COMMD1: variants seen among roughly 807,000 people sequenced by gnomAD.
The protein encoded by COMMD1 is COMM domain-containing protein 1.
Under a neutral mutation model 17.2 loss-of-function variants are expected in COMMD1, and 10 were observed. The ratio of observed to expected loss-of-function variants is 0.58; its 90% confidence interval spans 0.36 to 0.99. The LOEUF is 0.99. COMMD1 is among the 50% of genes least tolerant of loss of function. The pLI, the probability that COMMD1 is intolerant of heterozygous loss-of-function variation, is 0.01. For missense variants in COMMD1, 270 were observed against 231.8 expected, an observed-to-expected ratio of 1.17 and a Z score of -1.07; for synonymous variants, 97 against 91.6, an observed-to-expected ratio of 1.06 and a Z score of -0.34.
intron 2 of COMMD1, among the ~76,000 whole-genome samples, chr2:62,063,435 C>T (rs1670929673): frequency 6.6e-6 from 1 of 152,002 alleles, no homozygotes; most frequent in African/African-American, 2.4e-5. Context: ...CATGATCCGC[C>T]CGCCTCAGCC....
chr2:61,894,422 A>T (rs1669507751), intron 1 of COMMD1, among the ~76,000 whole-genome samples: 1 of 151,844 alleles, frequency 6.6e-6, no homozygotes, highest in African/African-American at 2.4e-5. Context: ...AGGCAAGCTG[A>T]CTTTATACAC....
chr2:62,047,018 T>C (rs976541591), intron 2 of COMMD1, among the ~76,000 whole-genome samples: 3 of 152,218 alleles, frequency 2.0e-5, no homozygotes, highest in African/African-American at 7.2e-5. Context: ...TTTATTTGTT[T>C]TGCCAGATAC....
intron 2 of COMMD1, chr2:62,055,560 A>G (rs752590179): frequency 1.5e-4 from 61 of 419,740 alleles, no homozygotes; most frequent in Middle Eastern, 3.5e-4. Flanking sequence ...AGCACCCTGC[A>G]TTAAAAGACA....
At chr2:61,984,879 A>C (rs1025586628) in intron 1 of COMMD1, among the ~76,000 whole-genome samples, 6 of 151,022 alleles carry the variant, frequency 4.0e-5, no homozygotes, top group Non-Finnish European at 5.9e-5. Flanking sequence ...GTTTTGCTGA[A>C]TTGGCTCTTT....
chr2:62,065,452 T>G (rs562353329), intron 2 of COMMD1, among the ~76,000 whole-genome samples: 2 of 146,752 alleles, frequency 1.4e-5, no homozygotes, highest in African/African-American at 5.0e-5. Flanking sequence ...GCCTCCTGAG[T>G]GGCTGGAACA....
At chr2:62,074,288 C>G (rs1172621637) in intron 2 of COMMD1, among the ~76,000 whole-genome samples, 2 of 152,238 alleles carry the variant, frequency 1.3e-5, no homozygotes, top group African/African-American at 4.8e-5. Flanking sequence ...TTCAGCTCTC[C>G]TCTGTCCCGA....
At chr2:62,090,815 G>A (rs1671804632) in intron 2 of COMMD1, 1 of 152,212 alleles carries the variant, frequency 6.6e-6, no homozygotes, top group Admixed American at 6.5e-5. Context: ...AAAGGGAGAT[G>A]GGATGCCATG....
At chr2:62,074,128 T>C (rs1671273642) in intron 2 of COMMD1, among the ~76,000 whole-genome samples, 1 of 152,204 alleles carries the variant, frequency 6.6e-6, no homozygotes, top group Non-Finnish European at 1.5e-5. Flanking sequence ...GCACTCTTCC[T>C]TTGGAATCAG....
chr2:62,001,723 T>G (rs1056865284), intron 2 of COMMD1, among the ~76,000 whole-genome samples: 4 of 152,236 alleles, frequency 2.6e-5, no homozygotes, highest in African/African-American at 9.6e-5. Context: ...AAATAAGTGC[T>G]TCTATTATAT....
At chr2:61,984,020 TTTG>T (rs1364122373) in intron 1 of COMMD1, among the ~76,000 whole-genome samples, 4 of 152,156 alleles carry the variant, frequency 2.6e-5, no homozygotes, top group African/African-American at 7.2e-5. Context: ...TAGGTTTTGG[TTTG>T]TTGTTGTTGC....
intron 2 of COMMD1, among the ~76,000 whole-genome samples, chr2:62,021,324 T>C (rs1047399377): frequency 6.6e-6 from 1 of 152,164 alleles, no homozygotes; most frequent in Admixed American, 6.6e-5. Context: ...GTTTGGAAAT[T>C]TGAGTCTTTG....
At chr2:61,892,550 C>T (rs1352534098) in intron 1 of COMMD1, among the ~76,000 whole-genome samples, 1 of 151,808 alleles carries the variant, frequency 6.6e-6, no homozygotes, top group East Asian at 2.0e-4. Context: ...AAAAATTAGC[C>T]CGGTGTTGTG....
chr2:62,105,382 T>A (rs1020066888), intron 2 of COMMD1, among the ~76,000 whole-genome samples: 2 of 152,134 alleles, frequency 1.3e-5, no homozygotes, highest in East Asian at 1.9e-4. Context: ...TAGAAGTAAA[T>A]AGCATTTATT....
At chr2:61,926,797 C>A (rs553348605) in intron 1 of COMMD1, among the ~76,000 whole-genome samples, 7 of 151,984 alleles carry the variant, frequency 4.6e-5, no homozygotes, top group Admixed American at 4.6e-4. Flanking sequence ...CCTTTTATTC[C>A]CCCCTCCTGC....
intron 2 of COMMD1, among the ~76,000 whole-genome samples, chr2:62,034,088 C>CAAAAAAAAA (rs34439318): frequency 3.2e-5 from 2 of 62,576 alleles, no homozygotes; most frequent in Admixed American, 1.9e-4. Context: ...GACCCTGTCT[C>CAAAAAAAAA]AAAAAAAAAA....
intron 2 of COMMD1, among the ~76,000 whole-genome samples, chr2:62,022,470 T>A (rs951548564): frequency 6.7e-6 from 1 of 149,546 alleles, no homozygotes; most frequent in Non-Finnish European, 1.5e-5. Context: ...TTTTTTTTTT[T>A]ACATGAAGCC....
intron 1 of COMMD1, among the ~76,000 whole-genome samples, chr2:61,974,478 C>G (rs1317632105): frequency 6.6e-6 from 1 of 151,486 alleles, no homozygotes; most frequent in Non-Finnish European, 1.5e-5. Context: ...TCAAGACCAG[C>G]CTAGGCAAAG....
chr2:62,054,204 A>G (rs1670623358), intron 2 of COMMD1, among the ~76,000 whole-genome samples: 1 of 152,204 alleles, frequency 6.6e-6, no homozygotes, highest in African/African-American at 2.4e-5. Flanking sequence ...AAAAAATAGC[A>G]GATGTTGGCA....
intron 1 of COMMD1, among the ~76,000 whole-genome samples, chr2:61,964,764 T>A (rs1271671014): frequency 6.6e-6 from 1 of 152,210 alleles, no homozygotes; most frequent in Non-Finnish European, 1.5e-5. Flanking sequence ...TCCCAGCTAC[T>A]CAGGAGGCTG....
Sources: gnomAD v4.1 joint callset for allele counts (sites outside exome capture counted in the v4.1 genomes callset) on GRCh38, gnomAD v4.1.1 for gene constraint, MANE v1.5 for transcripts, NCBI Gene and HGNC (gene_info 2026-07-23, HGNC 2026-07-21) for gene names.